RSU1: variants seen among roughly 807,000 people sequenced by gnomAD.
The protein encoded by RSU1 is rsu-1.
A neutral mutation model predicts 31.1 loss-of-function variants in RSU1; 26 were observed. The observed-to-expected ratio is 0.84, with a 90% CI of 0.61 to 1.16. RSU1 has a LOEUF of 1.16. RSU1 is among the 50% of genes most tolerant of loss of function. RSU1 has a pLI of 0.00. For missense variants in RSU1, 320 were observed against 339.1 expected (o/e 0.94, Z 0.44); for synonymous variants, 164 against 136.3 (o/e 1.20, Z -1.41).
At position 16,658,842 on chromosome 10, in the gene RSU1, C is replaced by A. The variant is rs1300297614; in HGVS notation, c.731+36181G>T. Among the ~76,000 whole-genome samples, 9 of 152,314 alleles carry A rather than the reference C, an allele frequency of 5.9e-5. 1 individual carries two copies. Among genetic ancestry groups the A allele is most frequent in the Admixed American group, 5.9e-4 (9 of 15,308 alleles). Reference sequence around the variant, plus strand: ...CCTAGAGAACTTAGACTATACATGTCTGCCTTGGTCTTTGCAGGGAATTAG... The same window carrying A: ...CCTAGAGAACTTAGACTATACATGTATGCCTTGGTCTTTGCAGGGAATTAG... On this transcript the variant is annotated intron_variant, in intron 8 of 8. Coordinates refer to ENST00000345264, the MANE Select transcript of RSU1 (RefSeq NM_012425.4).
At chr10:16,704,522 C>T (rs892604294) in intron 7 of RSU1, among the ~76,000 whole-genome samples, 1 of 152,188 alleles carries the variant, frequency 6.6e-6, no homozygotes, top group Non-Finnish European at 1.5e-5. Context: ...TTTTCTCCCT[C>T]CTTTCAAAAG....
intron 1 of RSU1, 27 bp downstream of exon 1, chr10:16,817,288 C>G (rs1271633655): frequency 1.7e-6 from 1 of 575,456 alleles, no homozygotes; most frequent in Admixed American, 3.0e-5. Context: ...GAGAAGCAAC[C>G]CCAAGTGCAA....
At chr10:16,726,301 C>G (rs1244868052) in intron 7 of RSU1, among the ~76,000 whole-genome samples, 5 of 140,074 alleles carry the variant, frequency 3.6e-5, no homozygotes, top group African/African-American at 1.5e-4. Flanking sequence ...CAGAGTCTTG[C>G]TCTGTCACCA....
chr10:16,597,357 A>G, intron 8 of RSU1, among the ~76,000 whole-genome samples: 1 of 152,172 alleles, frequency 6.6e-6, no homozygotes, highest in East Asian at 1.9e-4. Flanking sequence ...TTCAGATCCC[A>G]CTGTGTGTGT....
chr10:16,782,020 G>C lies in RSU1; in HGVS notation c.160+14C>G. 6.2e-7 allele frequency: 1 copy of C among 1,609,732 alleles called. No homozygotes were observed. The highest frequency in any genetic ancestry group is 1.1e-5 in the South Asian group (1 of 90,704). ...AAATGTCAGAAACTGTAACAAATGA[G>C]AAACATCACTTACTTGTTAGCTTGT... On this transcript the variant is annotated intron_variant, in intron 3 of 8. Transcript: ENST00000345264.
chr10:16,602,743 G>T (rs1833733355), intron 8 of RSU1, among the ~76,000 whole-genome samples: 1 of 152,134 alleles, frequency 6.6e-6, no homozygotes, highest in African/African-American at 2.4e-5. Context: ...ACCAAGAAAA[G>T]AACCAATTTT....
rs1488280225 is a variant in RSU1, at chr10:16,664,060, G to A, written c.731+30963C>T. Among the ~76,000 whole-genome samples, 7 of 152,210 alleles carry A rather than the reference G, an allele frequency of 4.6e-5. No individual in the cohort carries two copies. In the South Asian group the frequency reaches 1.0e-3, roughly 23 times the overall value. On this transcript the variant is annotated intron_variant, in intron 8 of 8. Transcript: ENST00000345264. ...TATGACTCCACGAACACTGTTTATGGTACCAACACTGACCTTTCCTTTATT... is the reference window on the plus strand; with the variant it reads ...TATGACTCCACGAACACTGTTTATGATACCAACACTGACCTTTCCTTTATT...
intron 8 of RSU1, among the ~76,000 whole-genome samples, chr10:16,691,070 G>T (rs1835539692): frequency 6.6e-6 from 1 of 151,868 alleles, no homozygotes; most frequent in Non-Finnish European, 1.5e-5. Flanking sequence ...CTAAGGCAAT[G>T]AATGTGAAAT....
At chr10:16,665,031 C>G (rs1834962788) in intron 8 of RSU1, among the ~76,000 whole-genome samples, 1 of 152,142 alleles carries the variant, frequency 6.6e-6, no homozygotes, top group Non-Finnish European at 1.5e-5. Flanking sequence ...GCAACCTCAG[C>G]CTCCCAGGTT....
At chr10:16,736,766 G>A (rs1236738457) in intron 7 of RSU1, among the ~76,000 whole-genome samples, 1 of 151,746 alleles carries the variant, frequency 6.6e-6, no homozygotes, top group East Asian at 1.9e-4. Flanking sequence ...TGTTAAAACA[G>A]CAATTTAAAA....
intron 2 of RSU1, among the ~76,000 whole-genome samples, chr10:16,797,254 C>A (rs1432366847): frequency 1.3e-5 from 2 of 152,110 alleles, no homozygotes; most frequent in Non-Finnish European, 2.9e-5. Context: ...CCACAAGGAG[C>A]AGTAAGTAAA....
chr10:16,736,610 C>G lies in RSU1; in HGVS notation c.598+15929G>C, dbSNP rs555586528. Among the ~76,000 whole-genome samples, 13 of 152,104 alleles carry G rather than the reference C, an allele frequency of 8.5e-5. No homozygotes were observed. In the South Asian group the frequency reaches 2.5e-3, roughly 29 times the overall value. On this transcript the variant is annotated intron_variant, in intron 7 of 8. Coordinates refer to ENST00000345264, the MANE Select transcript of RSU1 (RefSeq NM_012425.4). Reference sequence around the variant, plus strand: ...ACCAAAAATGTACTATTCTTAATGTCTACGATACAGTAAAAACCAAAAACC... The same window carrying G: ...ACCAAAAATGTACTATTCTTAATGTGTACGATACAGTAAAAACCAAAAACC...
chr10:16,637,131 A>T (rs1465216693), intron 8 of RSU1, among the ~76,000 whole-genome samples: 1 of 152,246 alleles, frequency 6.6e-6, no homozygotes, highest in Non-Finnish European at 1.5e-5. Flanking sequence ...AGCTGAGGCC[A>T]CTGCTCTCCA....
intron 8 of RSU1, among the ~76,000 whole-genome samples, chr10:16,672,142 CA>C (rs528486452): frequency 0.39 from 44,127 of 112,382 alleles, 7,282 homozygotes; most frequent in African/African-American, 0.48. Flanking sequence ...ACTAAAAATA[CA>C]AAAAAAAAAA....
chr10:16,594,717 AC>A (rs1037414967), intron 8 of RSU1, among the ~76,000 whole-genome samples: 134 of 147,504 alleles, frequency 9.1e-4, no homozygotes, highest in African/African-American at 3.2e-3. Flanking sequence ...AATATATGAT[AC>A]ATATAGATAA....
chr10:16,795,847 C>T (rs949345807), intron 2 of RSU1, among the ~76,000 whole-genome samples: 23 of 152,270 alleles, frequency 1.5e-4, no homozygotes, highest in Middle Eastern at 6.8e-3. Context: ...CTAAACAAGC[C>T]GCCCAGGTGA....
At chr10:16,781,822 A>G (rs1292795680) in intron 3 of RSU1, among the ~76,000 whole-genome samples, 1 of 152,194 alleles carries the variant, frequency 6.6e-6, no homozygotes, top group Non-Finnish European at 1.5e-5. Flanking sequence ...CCTTGTCTCA[A>G]AAAAAAGAAA....
chr10:16,651,031 T>C (rs1834676625), intron 8 of RSU1, among the ~76,000 whole-genome samples: 1 of 152,242 alleles, frequency 6.6e-6, no homozygotes, highest in South Asian at 2.1e-4. Context: ...ACTTGAATCA[T>C]CTTTATTAGA....
At chr10:16,776,195 T>C (rs1158533205) in intron 3 of RSU1, among the ~76,000 whole-genome samples, 1 of 152,240 alleles carries the variant, frequency 6.6e-6, no homozygotes, top group African/African-American at 2.4e-5. Context: ...AAGGTTTCAA[T>C]GTATTATGCT....
Sources: allele counts gnomAD v4.1 joint callset (sites outside exome capture counted in the v4.1 genomes callset), GRCh38; gene constraint gnomAD v4.1.1; transcripts MANE v1.5; gene names NCBI Gene and HGNC (gene_info 2026-07-23, HGNC 2026-07-21).